The following STK4 variants were observed in gnomAD, a reference collection of about 807,000 sequenced individuals.
The protein encoded by STK4 is serine/threonine-protein kinase 4.
STK4 carries 30 observed loss-of-function variants against 64.9 expected under a neutral mutation model. The ratio of observed to expected loss-of-function variants is 0.46; its 90% CI spans 0.35 to 0.63. The LOEUF is 0.63. Among genes scored for constraint, STK4 ranks in the 20% least tolerant of loss-of-function variants. STK4 has a pLI of 0.01. For missense variants in STK4, 466 were observed against 598.5 expected (o/e 0.78, Z 2.31); for synonymous variants, 177 against 199.0 (o/e 0.89, Z 0.93).
At chr20:45,034,932 C>T in intron 10 of STK4, among the ~76,000 whole-genome samples, 1 of 151,700 alleles carries the variant, frequency 6.6e-6, no homozygotes, top group East Asian at 1.9e-4. Context: ...ACAACAACAA[C>T]AACAAAAGAT....
intron 4 of STK4, among the ~76,000 whole-genome samples, chr20:44,985,648 T>C (rs1390116738): frequency 7.2e-5 from 11 of 152,374 alleles, no homozygotes; most frequent in African/African-American, 2.6e-4. Flanking sequence ...TGACTTTTTT[T>C]CATATTATTA....
At chr20:44,985,426 C>T (rs1309931938) in intron 4 of STK4, among the ~76,000 whole-genome samples, 1 of 152,050 alleles carries the variant, frequency 6.6e-6, no homozygotes, top group East Asian at 1.9e-4. Context: ...TCACTGCAAT[C>T]TCCGCCTCCC....
intron 1 of STK4, among the ~76,000 whole-genome samples, chr20:44,969,075 A>G (rs569605978): frequency 2.0e-4 from 30 of 152,154 alleles, no homozygotes; most frequent in African/African-American, 7.2e-4. Flanking sequence ...CTCCTCTTAT[A>G]AGGACACCAG....
chr20:45,027,824 T>A (rs77848647), intron 10 of STK4, among the ~76,000 whole-genome samples: 4,276 of 152,290 alleles, frequency 0.028, 183 homozygotes, highest in African/African-American at 0.092. Flanking sequence ...TAGGATCCAC[T>A]TTTTTAGCTC....
intron 5 of STK4, among the ~76,000 whole-genome samples, chr20:44,994,386 C>T (rs1425158603): frequency 6.6e-6 from 1 of 150,484 alleles, no homozygotes; most frequent in Non-Finnish European, 1.5e-5. Flanking sequence ...ATATATTTTC[C>T]TTTTACAAAA....
chr20:44,996,160 T>A (rs2067726158), intron 6 of STK4, among the ~76,000 whole-genome samples: 1 of 152,130 alleles, frequency 6.6e-6, no homozygotes, highest in Non-Finnish European at 1.5e-5. Flanking sequence ...GGTTTGTAGA[T>A]CCCCATATCC....
At chr20:45,020,256 T>TC (rs2068218707) in intron 9 of STK4, among the ~76,000 whole-genome samples, 2 of 152,184 alleles carry the variant, frequency 1.3e-5, no homozygotes, top group African/African-American at 4.8e-5. Context: ...GTAAGGCTTT[T>TC]CCCCCTCTAC....
At chr20:45,070,389 T>A (rs1979951800) in intron 10 of STK4, among the ~76,000 whole-genome samples, 1 of 152,096 alleles carries the variant, frequency 6.6e-6, no homozygotes, top group Non-Finnish European at 1.5e-5. Flanking sequence ...ATACCAATAT[T>A]TCAGGGACAA....
chr20:44,985,418 A>G (rs2067514599), intron 4 of STK4, among the ~76,000 whole-genome samples: 1 of 152,148 alleles, frequency 6.6e-6, no homozygotes, highest in African/African-American at 2.4e-5. Flanking sequence ...ATCTCAGCTC[A>G]CTGCAATCTC....
intron 2 of STK4, chr20:44,972,690 G>A (rs1160438023): frequency 6.6e-6 from 1 of 152,082 alleles, no homozygotes; most frequent in Non-Finnish European, 1.5e-5. Flanking sequence ...AATGTGCAGT[G>A]ACCATCATTG....
At chr20:45,025,736 C>A (rs1271175416) in intron 10 of STK4, among the ~76,000 whole-genome samples, 1 of 152,100 alleles carries the variant, frequency 6.6e-6, no homozygotes, top group Non-Finnish European at 1.5e-5. Context: ...GCATTTTCTT[C>A]TTGACTATTA....
chr20:45,000,649 C>A (rs1384433856), intron 8 of STK4, 129 bp downstream of exon 8: 3 of 1,360,798 alleles, frequency 2.2e-6, no homozygotes, highest in Non-Finnish European at 2.0e-6. Context: ...ATAACTATGT[C>A]CTAACCTGGA....
intron 4 of STK4, among the ~76,000 whole-genome samples, chr20:44,985,387 A>G (rs1375358933): frequency 6.6e-6 from 1 of 152,116 alleles, no homozygotes; most frequent in African/African-American, 2.4e-5. Flanking sequence ...TGGCTGTGTC[A>G]CTCAGGCTGG....
Position 44,997,323 on chromosome 20 carries a change from G to C in STK4, c.831+17G>C. 1 of 1,574,892 alleles carries C rather than the reference G, an allele frequency of 6.3e-7. No individual in the cohort carries two copies. Among genetic ancestry groups the C allele is most frequent in the Non-Finnish European group, 8.6e-7 (1 of 1,164,630 alleles). ...CTCCTGCAGGTATGAATCACCCTGT[G>C]ATGCCATCTCGCTCCATTTCATTTA... On this transcript the variant is annotated intron_variant, in intron 7 of 10. Coordinates refer to ENST00000372806, the MANE Select transcript of STK4 (RefSeq NM_006282.5).
chr20:45,059,308 T>A (rs2145455814), intron 10 of STK4, among the ~76,000 whole-genome samples: 1 of 152,328 alleles, frequency 6.6e-6, no homozygotes. Context: ...TTTTTTGTTG[T>A]TAGCCAACAA....
At chr20:45,044,052 C>A (rs2068655102) in intron 10 of STK4, among the ~76,000 whole-genome samples, 1 of 152,320 alleles carries the variant, frequency 6.6e-6, no homozygotes, top group East Asian at 1.9e-4. Context: ...AATTGATTAC[C>A]AAAGTGATCA....
chr20:45,055,864 C>G (rs1978436361), intron 10 of STK4, among the ~76,000 whole-genome samples: 1 of 151,996 alleles, frequency 6.6e-6, no homozygotes, highest in Admixed American at 6.6e-5. Flanking sequence ...TCCCGAGTAG[C>G]TGGGACTAGA....
intron 10 of STK4, among the ~76,000 whole-genome samples, chr20:45,061,910 C>T (rs1215938921): frequency 8.4e-6 from 1 of 119,410 alleles, no homozygotes; most frequent in Non-Finnish European, 1.6e-5. Flanking sequence ...GAGTCTTGCT[C>T]TGTCTGTCGC....
At chr20:45,063,863 A>AGTG (rs1473899098) in intron 10 of STK4, among the ~76,000 whole-genome samples, 1 of 150,886 alleles carries the variant, frequency 6.6e-6, no homozygotes, top group Non-Finnish European at 1.5e-5. Context: ...GCTGGAGTGC[A>AGTG]GTGGTGTGAT....
Sources: allele counts gnomAD v4.1 joint callset (sites outside exome capture counted in the v4.1 genomes callset), GRCh38; gene constraint gnomAD v4.1.1; transcripts MANE v1.5; gene names NCBI Gene and HGNC (gene_info 2026-07-23, HGNC 2026-07-21).